The following ITPR2 variants were observed in gnomAD, a reference collection of about 807,000 sequenced individuals.
ITPR2 encodes inositol 1,4,5-trisphosphate-gated calcium channel ITPR2.
A neutral mutation model predicts 317.1 loss-of-function variants in ITPR2; 207 were observed. The ratio of observed to expected loss-of-function variants is 0.65; its 90% CI spans 0.58 to 0.73. The LOEUF is 0.73. ITPR2 is among the 30% of genes least tolerant of loss of function. The pLI is 0.00. For synonymous variants in ITPR2, 1,156 were observed against 1,149.1 expected (o/e 1.01, Z -0.12); for missense variants, 2,613 against 3,284.0 (o/e 0.80, Z 4.99).
chr12:26,551,736 C>T (rs1034043744), intron 36 of ITPR2, among the ~76,000 whole-genome samples: 1 of 152,204 alleles, frequency 6.6e-6, no homozygotes, highest in African/African-American at 2.4e-5. Flanking sequence ...GGAGAGAAGA[C>T]ATCCCTGCAA....
chr12:26,624,296 T>C lies in ITPR2; in HGVS notation c.3122+3A>G. The stretch of plus-strand genomic sequence containing the variant: ...AGATAAAGATATATAAATGTTACTA[T>C]ACCTTCCCGCAAACATAGTTTCTGC... On this transcript the variant is annotated splice_donor_region_variant and intron_variant, in intron 24 of 56. Transcript: ENST00000381340. 1 of 1,588,344 alleles carries C rather than the reference T, an allele frequency of 6.3e-7. No homozygotes were observed.
At chr12:26,553,361 C>T (rs1944576771) in intron 36 of ITPR2, among the ~76,000 whole-genome samples, 1 of 152,226 alleles carries the variant, frequency 6.6e-6, no homozygotes, top group Admixed American at 6.5e-5. Flanking sequence ...TCATATTCTC[C>T]TGCAGACTCA....
At chr12:26,602,522 A>T (rs774405117) in intron 27 of ITPR2, 27 bp from the exon 28 acceptor site, 50 of 1,595,810 alleles carry the variant, frequency 3.1e-5, no homozygotes, top group Non-Finnish European at 4.2e-5. Context: ...GAAAGCATCA[A>T]ATATAATAAA....
intron 49 of ITPR2, among the ~76,000 whole-genome samples, chr12:26,425,671 G>GAAAA (rs201178294): frequency 8.6e-6 from 1 of 116,294 alleles, no homozygotes; most frequent in African/African-American, 3.2e-5. Context: ...GTCTAAAAAA[G>GAAAA]AAAAAAAAAA....
intron 2 of ITPR2, among the ~76,000 whole-genome samples, chr12:26,778,859 G>A (rs1266362101): frequency 2.0e-5 from 3 of 152,146 alleles, no homozygotes; most frequent in Non-Finnish European, 4.4e-5. Context: ...CCAGTGGTGT[G>A]GGGCCTGTCA....
rs527522933 is a variant in ITPR2 at position 26,675,658 on chromosome 12, G to C, written c.1409+6216C>G. On this transcript the variant is annotated intron_variant, in intron 13 of 56. Coordinates refer to ENST00000381340, the MANE Select transcript of ITPR2 (RefSeq NM_002223.4). Reference sequence around the variant, plus strand: ...ACATGTATACATATGTAACTAACCTGCACATTGTGCACATGTACCCTAAAA... The same window carrying C: ...ACATGTATACATATGTAACTAACCTCCACATTGTGCACATGTACCCTAAAA... Among the ~76,000 whole-genome samples the C allele has an allele frequency of 3.2e-4, 49 of 152,028 alleles. 1 individual carries two copies. Among genetic ancestry groups the C allele is most frequent in the Admixed American group, 3.3e-4 (5 of 15,274 alleles).
chr12:26,427,400 G>T (rs931926602), intron 49 of ITPR2, among the ~76,000 whole-genome samples: 1 of 151,676 alleles, frequency 6.6e-6, no homozygotes, highest in Non-Finnish European at 1.5e-5. Flanking sequence ...TTCAAAATTC[G>T]GTCAAAAAAT....
chr12:26,481,254 A>C lies in ITPR2; in HGVS notation c.6013-13T>G. Reference sequence around the variant, plus strand: ...TAGCGATACAGGTCTAGAAAACAAAATATTTGTAAAATATCATTTTATTCA... The same window carrying C: ...TAGCGATACAGGTCTAGAAAACAAACTATTTGTAAAATATCATTTTATTCA... On this transcript the variant is annotated splice_polypyrimidine_tract_variant and intron_variant, in intron 42 of 56. Transcript: ENST00000381340. 7.0e-7 allele frequency: 1 copy of C among 1,422,284 alleles called. No individual in the cohort carries two copies. Among genetic ancestry groups the C allele is most frequent in the Non-Finnish European group, 9.9e-7 (1 of 1,007,742 alleles). The allele number at this position is 1,422,284 out of a possible 1,614,324, so 88.1% of individuals were successfully genotyped here.
chr12:26,611,550 G>A (rs756706991), intron 26 of ITPR2, among the ~76,000 whole-genome samples: 11 of 151,940 alleles, frequency 7.2e-5, no homozygotes, highest in African/African-American at 1.2e-4. Flanking sequence ...GTGACAGAGC[G>A]AGACCCATCT....
At chr12:26,689,984 T>C (rs1005625915) in intron 10 of ITPR2, among the ~76,000 whole-genome samples, 1 of 152,210 alleles carries the variant, frequency 6.6e-6, no homozygotes, top group Non-Finnish European at 1.5e-5. Flanking sequence ...AAGAGCTTTT[T>C]TTCCTGGATT....
At chr12:26,586,801 C>T (rs1350465893) in intron 32 of ITPR2, among the ~76,000 whole-genome samples, 1 of 152,084 alleles carries the variant, frequency 6.6e-6, no homozygotes, top group Non-Finnish European at 1.5e-5. Flanking sequence ...TACTAATAAT[C>T]CAAGGGTGGG....
At chr12:26,428,225 C>A (rs1160117907) in intron 48 of ITPR2, 137 bp from the exon 49 acceptor site, 2 of 524,728 alleles carry the variant, frequency 3.8e-6, no homozygotes, top group East Asian at 3.4e-5. Context: ...CATCTACGTT[C>A]TTTATATTTC....
chr12:26,581,281 T>C lies in ITPR2; in HGVS notation c.4381-1126A>G, dbSNP rs7308608. 4.9e-3 allele frequency among the ~76,000 whole-genome samples: 746 copies of C among 152,312 alleles called. 12 individuals are homozygous for C. The highest frequency in any genetic ancestry group is 0.017 in the African/African-American group (695 of 41,576). ...CTTTTGTTTTGAGATCTGGGAGCAC[T>C]AATGCCAGCATTTGCCAAATGGAGG... On this transcript the variant is annotated intron_variant, in intron 32 of 56. Transcript: ENST00000381340.
At chr12:26,692,969 C>T (rs1472436210) in intron 10 of ITPR2, among the ~76,000 whole-genome samples, 1 of 152,134 alleles carries the variant, frequency 6.6e-6, no homozygotes, top group Admixed American at 6.6e-5. Flanking sequence ...CTAACAGCTC[C>T]TTTGTTTTCT....
intron 11 of ITPR2, among the ~76,000 whole-genome samples, chr12:26,684,042 T>C (rs1364288232): frequency 6.6e-6 from 1 of 152,244 alleles, no homozygotes; most frequent in Non-Finnish European, 1.5e-5. Flanking sequence ...GTTCTGCTCC[T>C]TTATAAAAGT....
chr12:26,486,912 G>T (rs763742337), intron 40 of ITPR2, 156 bp downstream of exon 40: 15 of 753,038 alleles, frequency 2.0e-5, no homozygotes, highest in South Asian at 8.5e-5. Flanking sequence ...AGCCGTTTTA[G>T]GGTCACCCCA....
In ITPR2 at chr12:26,728,454, G is replaced by A. The variant is rs1327275908; in HGVS notation, c.164-2689C>T. Among the ~76,000 whole-genome samples, 4 of 152,108 alleles carry A rather than the reference G, an allele frequency of 2.6e-5. No homozygotes were observed. In the East Asian group the frequency reaches 7.7e-4, roughly 29 times the overall value. On this transcript the variant is annotated intron_variant, in intron 2 of 56. Transcript: ENST00000381340. Reference sequence around the variant, plus strand: ...GTCCCTTTCAGCAGCCTCCCACAGGGGACATCTCATTTTATATTACAGTAA... The same window carrying A: ...GTCCCTTTCAGCAGCCTCCCACAGGAGACATCTCATTTTATATTACAGTAA...
chr12:26,452,534 T>G (rs1288040482), intron 45 of ITPR2, among the ~76,000 whole-genome samples: 1 of 152,080 alleles, frequency 6.6e-6, no homozygotes, highest in Non-Finnish European at 1.5e-5. Context: ...GTGTTGGAAA[T>G]TTTGTCCCCA....
chr12:26,652,607 A>T (rs1270500662), intron 21 of ITPR2, among the ~76,000 whole-genome samples: 4 of 152,136 alleles, frequency 2.6e-5, no homozygotes, highest in African/African-American at 7.2e-5. Flanking sequence ...TGTACCTCTC[A>T]CTAGGCCAGA....
Sources: allele counts gnomAD v4.1 joint callset (sites outside exome capture counted in the v4.1 genomes callset), GRCh38; gene constraint gnomAD v4.1.1; transcripts MANE v1.5; gene names NCBI Gene and HGNC (gene_info 2026-07-23, HGNC 2026-07-21).